The following XKR4 variants were observed in gnomAD, a reference collection of about 807,000 sequenced individuals.
XKR4 encodes the protein XK related 4, also known as XK-related protein 4.
Under a neutral mutation model 53.9 loss-of-function variants are expected in XKR4, and 12 were observed. That is an observed-to-expected ratio of 0.22 (90% CI 0.14 to 0.36). The LOEUF (loss-of-function observed/expected upper bound fraction) is 0.36, where lower values mean the gene tolerates loss of function less well. Among genes scored for constraint, XKR4 ranks in the 10% least tolerant of loss-of-function variants. The probability of loss-of-function intolerance (pLI) is 1.00; values close to 1 mark genes in which losing one functional copy is unlikely to be tolerated. For synonymous variants in XKR4, 354 were observed against 362.4 expected, an observed-to-expected ratio of 0.98 and a Z score of 0.26; for missense variants, 799 against 859.5, an observed-to-expected ratio of 0.93 and a Z score of 0.88.
intron 2 of XKR4, chr8:55,450,946 G>A (rs11783375): frequency 8.1e-6 from 4 of 494,108 alleles, no homozygotes; most frequent in Admixed American, 3.1e-5. Flanking sequence ...AGCAAGCGCA[G>A]GAAGGAGACT....
At chr8:55,522,604 T>C (rs1806812842) in intron 2 of XKR4, among the ~76,000 whole-genome samples, 1 of 152,194 alleles carries the variant, frequency 6.6e-6, no homozygotes, top group Non-Finnish European at 1.5e-5. Context: ...CCTTCAATCA[T>C]GGAATCACAA....
rs1806856856 is a variant in XKR4 at position 55,524,682 on chromosome 8, C to T, written c.*455C>T. 1.3e-5 allele frequency: 2 copies of T among 154,768 alleles called. No individual in the cohort carries two copies. The highest frequency in any genetic ancestry group is 4.8e-5 in the African/African-American group (2 of 41,556). 9.6% of individuals were successfully genotyped at this position (154,768 alleles called of 1,614,324 possible). A position where few individuals can be genotyped will look rare whatever the true frequency, so the allele number is the denominator to read the frequency against. ...TTAGGTGACTTTTCTTGATGCAAAG[C>T]TCTGATTCCCACAGGAATATAAAAA... On this transcript the variant is annotated 3_prime_UTR_variant, in exon 3 of 3. Coordinates refer to ENST00000327381, the MANE Select transcript of XKR4 (RefSeq NM_052898.2).
At chr8:55,416,982 T>C (rs961945883) in intron 2 of XKR4, among the ~76,000 whole-genome samples, 1 of 152,196 alleles carries the variant, frequency 6.6e-6, no homozygotes, top group African/African-American at 2.4e-5. Flanking sequence ...GCTCTGAATA[T>C]TAGAGTCCCC....
chr8:55,150,227 T>G (rs1449275967), intron 1 of XKR4, among the ~76,000 whole-genome samples: 1 of 152,224 alleles, frequency 6.6e-6, no homozygotes, highest in Non-Finnish European at 1.5e-5. Flanking sequence ...CACTGAACAT[T>G]GCTAGGTAAC....
At chr8:55,385,090 T>C (rs1249944755) in intron 2 of XKR4, among the ~76,000 whole-genome samples, 1 of 152,200 alleles carries the variant, frequency 6.6e-6, no homozygotes, top group Non-Finnish European at 1.5e-5. Context: ...AAGGATGCTC[T>C]ACATTGGCAA....
chr8:55,370,316 G>A (rs533682502), intron 2 of XKR4, among the ~76,000 whole-genome samples: 27 of 152,282 alleles, frequency 1.8e-4, no homozygotes, highest in African/African-American at 5.5e-4. Context: ...GGGCAAATCC[G>A]TTGAGATTTA....
intron 1 of XKR4, among the ~76,000 whole-genome samples, chr8:55,167,219 T>G (rs1286906844): frequency 6.6e-6 from 1 of 151,888 alleles, no homozygotes; most frequent in African/African-American, 2.4e-5. Flanking sequence ...AAGGATGAGT[T>G]TTTTGGAGAG....
chr8:55,182,566 T>G (rs1817324683), intron 1 of XKR4, among the ~76,000 whole-genome samples: 1 of 152,190 alleles, frequency 6.6e-6, no homozygotes. Flanking sequence ...ATTTCTTAAT[T>G]GAATTGCTAC....
chr8:55,450,896 C>A, intron 2 of XKR4: 1 of 477,950 alleles, frequency 2.1e-6, no homozygotes, highest in South Asian at 2.0e-5. Context: ...CCGACACCTG[C>A]AGCAGCTTGT....
intron 1 of XKR4, among the ~76,000 whole-genome samples, chr8:55,292,208 G>A (rs1819031375): frequency 6.6e-6 from 1 of 152,070 alleles, no homozygotes; most frequent in South Asian, 2.1e-4. Flanking sequence ...ACTGGGAAGG[G>A]TTCTCTTCTA....
Position 55,102,735 on chromosome 8 carries a change from G to A in XKR4, c.247G>A (p.Val83Ile). ...CGCGGGCTCGGGCGGCTCCGGCGGC[G>A]TCGCCGGCCCGGGCGGCGGCGGGGC... ...GSAGSGGSGG[V>I]AGPGGGGAGS... Residue 83 changes from valine to isoleucine, a missense_variant, in exon 1 of 3, where the codon GTC becomes ATC. By Grantham distance (29) the Val-to-Ile change is conservative (BLOSUM62 3). Coordinates refer to ENST00000327381, the MANE Select transcript of XKR4 (RefSeq NM_052898.2). The surrounding 1 kb of genome is among the most constrained non-coding windows in gnomAD (Gnocchi z 5.1). 1.7e-6 allele frequency: 2 copies of A among 1,189,040 alleles called. No homozygotes were observed. The highest frequency in any genetic ancestry group is 8.3e-5 in the South Asian group (2 of 24,072). The allele number at this position is 1,189,040 out of a possible 1,614,324, so 73.7% of individuals were successfully genotyped here.
intron 1 of XKR4, among the ~76,000 whole-genome samples, chr8:55,251,610 A>G (rs768963942): frequency 6.6e-6 from 1 of 152,232 alleles, no homozygotes; most frequent in Non-Finnish European, 1.5e-5. Flanking sequence ...GAATAAAAAT[A>G]TCCAGAATTT....
intron 2 of XKR4, chr8:55,452,889 A>C (rs979788200): frequency 1.3e-6 from 1 of 785,514 alleles, no homozygotes; most frequent in African/African-American, 1.7e-5. Flanking sequence ...GAGGTAGCTC[A>C]CGCAGTTGGT....
At chr8:55,275,175 A>T (rs933145709) in intron 1 of XKR4, among the ~76,000 whole-genome samples, 1 of 152,290 alleles carries the variant, frequency 6.6e-6, no homozygotes, top group Middle Eastern at 3.4e-3. Context: ...AATATTCATC[A>T]TTTCAAATTT....
intron 1 of XKR4, among the ~76,000 whole-genome samples, chr8:55,231,319 T>C (rs1298440845): frequency 1.3e-5 from 2 of 152,228 alleles, no homozygotes; most frequent in African/African-American, 4.8e-5. Context: ...ACACCCTGAG[T>C]AAAGTAGGAA....
chr8:55,354,474 G>A (rs1006023631), intron 1 of XKR4, among the ~76,000 whole-genome samples: 1 of 152,164 alleles, frequency 6.6e-6, no homozygotes, highest in Non-Finnish European at 1.5e-5. Context: ...TAAAAGGGGG[G>A]AGGAGCAGAG....
intron 1 of XKR4, among the ~76,000 whole-genome samples, chr8:55,246,935 G>C (rs1344402707): frequency 2.6e-5 from 4 of 152,074 alleles, no homozygotes; most frequent in Non-Finnish European, 5.9e-5. Context: ...AAATCCCTGG[G>C]GGCCGGCTGA....
intron 1 of XKR4, among the ~76,000 whole-genome samples, chr8:55,208,856 T>C (rs1163677644): frequency 6.6e-6 from 1 of 152,192 alleles, no homozygotes; most frequent in Non-Finnish European, 1.5e-5. Context: ...TGCTGATGCA[T>C]GTGAATGGAC....
intron 1 of XKR4, among the ~76,000 whole-genome samples, chr8:55,173,444 A>G (rs139846998): frequency 1.3e-5 from 2 of 152,284 alleles, no homozygotes; most frequent in East Asian, 3.9e-4. Context: ...TTTCTTTAGC[A>G]TTCTGTTTCT....
Sources: gnomAD v4.1 joint callset for allele counts (sites outside exome capture counted in the v4.1 genomes callset) on GRCh38, gnomAD v4.1.1 for gene constraint, Gnocchi (gnomAD v3.1) non-coding constraint, MANE v1.5 for transcripts, NCBI Gene and HGNC (gene_info 2026-07-23, HGNC 2026-07-21) for gene names.